Variants in PHF21A observed in about 807,000 individuals in gnomAD.
The protein encoded by PHF21A is BHC80a.
PHF21A carries 11 observed loss-of-function variants against 82.5 expected under a neutral mutation model. The ratio of observed to expected loss-of-function variants is 0.13; its 90% confidence interval spans 0.08 to 0.22. The LOEUF is 0.22. Among genes scored for constraint, PHF21A ranks in the 10% least tolerant of loss-of-function variants. The pLI is 1.00. For missense variants in PHF21A, 579 were observed against 837.8 expected (o/e 0.69, Z 3.81); for synonymous variants, 297 against 302.8 (o/e 0.98, Z 0.20).
intron 6 of PHF21A, among the ~76,000 whole-genome samples, chr11:46,058,461 T>A (rs1483198247): frequency 2.0e-5 from 3 of 152,200 alleles, no homozygotes; most frequent in African/African-American, 2.4e-5. Context: ...TGATATATTC[T>A]CAGCATCTAG....
At chr11:46,013,041 A>G (rs2095441481) in intron 6 of PHF21A, among the ~76,000 whole-genome samples, 1 of 152,108 alleles carries the variant, frequency 6.6e-6, no homozygotes, top group Non-Finnish European at 1.5e-5. Flanking sequence ...AACCCTATAT[A>G]TACTATGTTT....
At chr11:45,938,685 A>C (rs964557015) in intron 15 of PHF21A, among the ~76,000 whole-genome samples, 1 of 152,252 alleles carries the variant, frequency 6.6e-6, no homozygotes, top group Admixed American at 6.5e-5. Flanking sequence ...AAAACAGAAC[A>C]ATTATAACGA....
intron 6 of PHF21A, among the ~76,000 whole-genome samples, chr11:46,075,482 C>T (rs956674739): frequency 3.9e-5 from 6 of 152,352 alleles, no homozygotes; most frequent in Non-Finnish European, 7.3e-5. Flanking sequence ...TTCACTAACA[C>T]ACATCATGTT....
chr11:46,112,352 AACTACT>A (rs1182507975), intron 1 of PHF21A, among the ~76,000 whole-genome samples: 1 of 152,204 alleles, frequency 6.6e-6, no homozygotes, highest in East Asian at 1.9e-4. Flanking sequence ...AAATAACAGT[AACTACT>A]ACTACTGCTG....
intron 10 of PHF21A, among the ~76,000 whole-genome samples, chr11:45,955,268 A>T (rs2092542165): frequency 7.6e-6 from 1 of 131,938 alleles, no homozygotes; most frequent in Non-Finnish European, 1.6e-5. Context: ...GAATCACTCA[A>T]GTCTTTCTCT....
intron 6 of PHF21A, among the ~76,000 whole-genome samples, chr11:46,062,474 T>A (rs1191101112): frequency 6.6e-6 from 1 of 152,176 alleles, no homozygotes; most frequent in Non-Finnish European, 1.5e-5. Context: ...AAGAATTGTT[T>A]CTGTTTTCTA....
At chr11:46,025,138 A>G (rs1376339254) in intron 6 of PHF21A, among the ~76,000 whole-genome samples, 1 of 152,110 alleles carries the variant, frequency 6.6e-6, no homozygotes, top group Non-Finnish European at 1.5e-5. Context: ...TAACAGTGAC[A>G]GGAATATGTT....
chr11:45,972,160 G>A (rs1033542065), intron 7 of PHF21A, among the ~76,000 whole-genome samples: 1 of 151,944 alleles, frequency 6.6e-6, no homozygotes, highest in Non-Finnish European at 1.5e-5. Context: ...ACAAACATCT[G>A]AGTTTTAAAA....
At chr11:46,109,866 AC>A (rs2097192032) in intron 1 of PHF21A, among the ~76,000 whole-genome samples, 1 of 151,900 alleles carries the variant, frequency 6.6e-6, no homozygotes, top group African/African-American at 2.4e-5. Context: ...TGTAGTCCCA[AC>A]TACTCGGGAA....
At chr11:45,935,385 T>C in intron 18 of PHF21A, 1 of 781,408 alleles carries the variant, frequency 1.3e-6, no homozygotes, top group Admixed American at 2.4e-5. Flanking sequence ...GCCTGAAGAC[T>C]GAAAATCCTC....
At chr11:46,071,607 T>C (rs1025199317) in intron 6 of PHF21A, among the ~76,000 whole-genome samples, 27 of 152,184 alleles carry the variant, frequency 1.8e-4, no homozygotes, top group African/African-American at 6.0e-4. Context: ...TGATGCAGAA[T>C]TGTTAGGGTA....
At chr11:46,048,748 C>T (rs1192778923) in intron 6 of PHF21A, among the ~76,000 whole-genome samples, 2 of 151,718 alleles carry the variant, frequency 1.3e-5, no homozygotes, top group South Asian at 2.1e-4. Context: ...CCAGCTTGGG[C>T]GACAGAGCAA....
At chr11:45,947,933 G>A (rs1220877972) in intron 14 of PHF21A, among the ~76,000 whole-genome samples, 1 of 152,200 alleles carries the variant, frequency 6.6e-6, no homozygotes, top group African/African-American at 2.4e-5. Flanking sequence ...CTAAGGGTGG[G>A]TATATCTCTT....
At chr11:46,062,792 T>C (rs2096551480) in intron 6 of PHF21A, among the ~76,000 whole-genome samples, 1 of 152,182 alleles carries the variant, frequency 6.6e-6, no homozygotes, top group Non-Finnish European at 1.5e-5. Flanking sequence ...ACACACCTAC[T>C]ATACAACCCA....
chr11:46,065,137 G>C (rs7478883), intron 6 of PHF21A, among the ~76,000 whole-genome samples: 137,344 of 152,268 alleles, frequency 0.9, 62,108 homozygotes, highest in East Asian at 1. Context: ...TAACAAAAAA[G>C]AGTTTTGTTT....
intron 7 of PHF21A, among the ~76,000 whole-genome samples, chr11:45,978,245 G>A (rs1162901717): frequency 1.3e-5 from 2 of 152,150 alleles, no homozygotes; most frequent in African/African-American, 4.8e-5. Context: ...AGGTTGCAGT[G>A]AGCCAAGACT....
chr11:46,036,349 T>C (rs1360989218), intron 6 of PHF21A, among the ~76,000 whole-genome samples: 5 of 152,200 alleles, frequency 3.3e-5, no homozygotes, highest in African/African-American at 7.2e-5. Context: ...AGTTGTTCAG[T>C]GGGCAGCTGG....
At chr11:46,094,711 T>C (rs993732846) in intron 1 of PHF21A, among the ~76,000 whole-genome samples, 2 of 152,006 alleles carry the variant, frequency 1.3e-5, no homozygotes, top group East Asian at 3.9e-4. Flanking sequence ...TGAATAATAA[T>C]TATTTCGTAG....
At chr11:45,961,041 AT>A (rs1388262973) in intron 10 of PHF21A, among the ~76,000 whole-genome samples, 3 of 152,126 alleles carry the variant, frequency 2.0e-5, no homozygotes, top group Non-Finnish European at 4.4e-5. Flanking sequence ...TGTCTTACTT[AT>A]TATTTTAAAG....
Sources: gnomAD v4.1 joint callset for allele counts (sites outside exome capture counted in the v4.1 genomes callset) on GRCh38, gnomAD v4.1.1 for gene constraint, MANE v1.5 for transcripts, NCBI Gene and HGNC (gene_info 2026-07-23, HGNC 2026-07-21) for gene names.